ZNF773: variants seen among roughly 807,000 people sequenced by gnomAD.
ZNF773 encodes the protein zinc finger protein 773, also known as zinc finger protein 419B.
Under a neutral mutation model 12.8 loss-of-function variants are expected in ZNF773, and 11 were observed. That is an observed-to-expected ratio of 0.86 (90% CI 0.54 to 1.42). The LOEUF is 1.42. Among genes scored for constraint, ZNF773 ranks in the 40% most tolerant of loss-of-function variants. The probability of loss-of-function intolerance (pLI) is 0.00; values close to 1 mark genes in which losing one functional copy is unlikely to be tolerated. For synonymous variants in ZNF773, 175 were observed against 178.4 expected, an observed-to-expected ratio of 0.98 and a Z score of 0.15; for missense variants, 518 against 527.2, an observed-to-expected ratio of 0.98 and a Z score of 0.17.
chr19:57,513,245 G>A (rs1487998685), downstream of ZNF773: 1 of 550,956 alleles, frequency 1.8e-6, no homozygotes, highest in Non-Finnish European at 2.8e-6. Context: ...ATTATATGCA[G>A]TCACTTAAAG....
chr19:57,504,976 C>A, intron 2 of ZNF773, 190 bp downstream of exon 2: 2 of 1,060,848 alleles, frequency 1.9e-6, no homozygotes, highest in Non-Finnish European at 2.8e-6. Flanking sequence ...TGCCCCACAG[C>A]TGTGCAGGAA....
Position 57,506,435 on chromosome 19 carries a change from C to G in ZNF773, c.340C>G (p.Gln114Glu). 6.2e-7 allele frequency: 1 copy of G among 1,614,240 alleles called. No individual in the cohort carries two copies. Among genetic ancestry groups the G allele is most frequent in the Non-Finnish European group, 8.5e-7 (1 of 1,180,042 alleles). Residue 114 changes from glutamine (Q) to glutamate (E), a missense_variant, in exon 4 of 4, where the codon CAA becomes GAA. By Grantham distance (29) the Gln-to-Glu change is conservative (BLOSUM62 2). Coordinates refer to ENST00000282292, the MANE Select transcript of ZNF773 (RefSeq NM_198542.3). ...AGAAGTGCCCAGTTCAAACGTTCAG[C>G]AACACCAGAAGCAGCACTGTGGAGA... ...SVEVPSSNVQ[Q>E]HQKQHCGEKP...
downstream of ZNF773, among the ~76,000 whole-genome samples, chr19:57,512,023 C>T (rs758970159): frequency 6.6e-6 from 1 of 152,174 alleles, no homozygotes; most frequent in Non-Finnish European, 1.5e-5. Context: ...AAGGTTCTGA[C>T]TGAAAGAGTA....
At chr19:57,511,744 CAT>C (rs59066436), downstream of ZNF773, among the ~76,000 whole-genome samples, 19,571 of 140,948 alleles carry the variant, frequency 0.14, 1,257 homozygotes, top group Non-Finnish European at 0.15. Context: ...CACATACACA[CAT>C]ACACACACTC....
At chr19:57,512,431 GTC>G (rs1042859984), downstream of ZNF773, among the ~76,000 whole-genome samples, 8 of 130,712 alleles carry the variant, frequency 6.1e-5, no homozygotes, top group Admixed American at 6.0e-4. Context: ...TTGAGATGGA[GTC>G]TCTCTCTGTC....
downstream of ZNF773, chr19:57,512,931 C>T: frequency 7.2e-7 from 1 of 1,380,648 alleles, no homozygotes. Context: ...AAGCTCAGGG[C>T]CCTTGTTCCC....
At chr19:57,511,273 G>C (rs375550404), downstream of ZNF773, among the ~76,000 whole-genome samples, 5 of 151,836 alleles carry the variant, frequency 3.3e-5, no homozygotes, top group African/African-American at 7.3e-5. Context: ...AGATGGTCTC[G>C]ATCTCCTGAC....
chr19:57,504,756 C>G lies in ZNF773; in HGVS notation c.133C>G (p.Leu45Val). The G allele has an allele frequency of 6.2e-7, 1 of 1,613,694 alleles. No individual in the cohort carries two copies. The highest frequency in any genetic ancestry group is 2.2e-5 in the East Asian group (1 of 44,818). ...AQRLLYRNVM[L>V]ENFTLLASLG... ...GAGGCTCCTCTACCGCAATGTGATG[C>G]TGGAGAACTTTACACTTCTGGCCTC... Residue 45 changes from leucine to valine, a missense_variant, in exon 2 of 4, where the codon CTG (leucine) becomes GTG (valine). Physicochemically the swap from Leu to Val is conservative, Grantham distance 32. Coordinates refer to ENST00000282292, the MANE Select transcript of ZNF773 (RefSeq NM_198542.3).
At chr19:57,513,692 G>A (rs1407530268), downstream of ZNF773, 1 of 152,228 alleles carries the variant, frequency 6.6e-6, no homozygotes, top group Non-Finnish European at 1.5e-5. Context: ...TAGTAAAAGA[G>A]CGATTGGATG....
downstream of ZNF773, among the ~76,000 whole-genome samples, chr19:57,510,391 A>G (rs1396210755): frequency 7.0e-6 from 1 of 142,776 alleles, no homozygotes; most frequent in Non-Finnish European, 1.6e-5. Context: ...CACCTGATAC[A>G]GCACATCTAT....
Position 57,507,739 on chromosome 19 carries a change from C to CTTTTTTTAA in ZNF773, c.*316_*317insTTTTTTAAT. 2 of 1,118,086 alleles carry CTTTTTTTAA rather than the reference C, an allele frequency of 1.8e-6. No homozygotes were observed. The highest frequency in any genetic ancestry group is 4.4e-5 in the Admixed American group (1 of 22,684). 69.3% of individuals were successfully genotyped at this position (1,118,086 alleles called of 1,614,324 possible). ...CTGTTATTCTCACCACTTTGGGAGG[C>CTTTTTTTAA]TGAAGCGGGCGGATCACAAGGTCAG... On this transcript the variant is annotated 3_prime_UTR_variant, in exon 4 of 4. Transcript: ENST00000282292.
chr19:57,507,393 A>T lies in ZNF773; in HGVS notation c.1298A>T (p.His433Leu), dbSNP rs145186831. 45 of 1,608,334 alleles carry T rather than the reference A, an allele frequency of 2.8e-5. No homozygotes were observed. The highest frequency in any genetic ancestry group is 3.7e-5 in the Non-Finnish European group (44 of 1,177,820). The change falls in exon 4 of 4, where the codon CAT (histidine) becomes CTT (leucine). Residue 433 changes from histidine (H) to leucine (L), a missense_variant. Physicochemically the swap from His to Leu is moderately conservative, Grantham distance 99. Transcript: ENST00000282292. ...CGCCACAGCTCCAGTCTTGTTAAAC[A>T]TCGAAGGATTCACACTGGAGAAATA... ...FFRHSSSLVK[H>L]RRIHTGEIQ is the part of the protein sequence containing the mutation.
At position 57,504,699 on chromosome 19, in the gene ZNF773, C is replaced by T; in HGVS notation, c.76C>T (p.Gln26Ter). The T allele has an allele frequency of 6.2e-7, 1 of 1,613,990 alleles. No homozygotes were observed. Among genetic ancestry groups the T allele is most frequent in the South Asian group, 1.1e-5 (1 of 91,060 alleles). Residue 26 changes from glutamine to a stop codon, truncating the protein, a stop_gained, in exon 2 of 4, where the codon CAG becomes TAG. Transcript: ENST00000282292. LOFTEE classifies it high-confidence loss of function. ...TGAGGACGTGGCTGTCTACTTCTCC[C>T]AGGAGGAATGGAGATTGCTTGATGA... ...TFEDVAVYFS[Q>*]EEWRLLDDAQ...
chr19:57,506,372 G>A lies in ZNF773; in HGVS notation c.277G>A (p.Ala93Thr). 1 of 1,609,648 alleles carries A rather than the reference G, an allele frequency of 6.2e-7. No individual in the cohort carries two copies. Among genetic ancestry groups the A allele is most frequent in the Middle Eastern group, 1.7e-4 (1 of 6,026 alleles). ...TCTTCTTTCAGGTAGTTGGCAAGGA[G>A]CCAAGGCTGAGGCAGCTGCTGAGCA... ...SAILRGSWQG[A>T]KAEAAAEQSA... The change falls in exon 4 of 4, where the codon GCC (alanine) becomes ACC (threonine). Residue 93 changes from alanine (A) to threonine (T), a missense_variant. By Grantham distance (58) the Ala-to-Thr change is moderately conservative (BLOSUM62 0). Coordinates refer to ENST00000282292, the MANE Select transcript of ZNF773 (RefSeq NM_198542.3).
intron 1 of ZNF773, among the ~76,000 whole-genome samples, chr19:57,503,621 T>C (rs1264527529): frequency 5.3e-5 from 8 of 151,782 alleles, no homozygotes; most frequent in Non-Finnish European, 1.2e-4. Flanking sequence ...TGAGGTCATC[T>C]GAGAGAATTG....
At chr19:57,513,355 C>T (rs2089811902), downstream of ZNF773, 1 of 271,274 alleles carries the variant, frequency 3.7e-6, no homozygotes, top group African/African-American at 2.2e-5. Flanking sequence ...CAGACAGACA[C>T]TCTTGATGTG....
downstream of ZNF773, chr19:57,508,324 A>G: frequency 1.4e-6 from 1 of 738,466 alleles, no homozygotes. Flanking sequence ...GGAGCCCTGT[A>G]TTGGCTGCAC....
intron 1 of ZNF773, among the ~76,000 whole-genome samples, chr19:57,502,055 G>C (rs1487676977): frequency 6.6e-6 from 1 of 152,142 alleles, no homozygotes; most frequent in Admixed American, 6.5e-5. Context: ...CGATTCTCCT[G>C]TCTGAGCTTC....
downstream of ZNF773, among the ~76,000 whole-genome samples, chr19:57,512,436 T>C (rs1201834590): frequency 1.4e-5 from 2 of 140,070 alleles, no homozygotes; most frequent in East Asian, 4.7e-4. Flanking sequence ...ATGGAGTCTC[T>C]CTCTGTCACC....
Sources: gnomAD v4.1 joint callset for allele counts (sites outside exome capture counted in the v4.1 genomes callset) on GRCh38, gnomAD v4.1.1 for gene constraint, MANE v1.5 for transcripts, NCBI Gene and HGNC (gene_info 2026-07-23, HGNC 2026-07-21) for gene names.